Variants in BRICD5 observed in about 807,000 individuals in gnomAD.
BRICD5 encodes the protein BRICHOS domain-containing protein 5.
Under a neutral mutation model 28.4 loss-of-function variants are expected in BRICD5, and 51 were observed. The observed-to-expected ratio is 1.80, with a 90% confidence interval of 1.43 to 2.27. BRICD5 has a LOEUF of 2.27. BRICD5 is among the 30% of genes most tolerant of loss of function. The probability of loss-of-function intolerance (pLI) is 0.00; values close to 1 mark genes in which losing one functional copy is unlikely to be tolerated. For synonymous variants in BRICD5, 177 were observed against 130.2 expected (o/e 1.36, Z -2.44); for missense variants, 456 against 309.6 (o/e 1.47, Z -3.55).
In BRICD5 at chr16:2,210,808, T is replaced by C; in HGVS notation, c.26A>G (p.Glu9Gly). Residue 9 changes from glutamate to glycine, a missense_variant, in exon 1 of 6, where the codon GAG (glutamate) becomes GGG (glycine). Transcript: ENST00000328540. ...CCCTGTAGGCCCAGGTTTGGGGCGC[T>C]CAGCACAGCAGCTTGCTGGTTCCAT... MEPASCCA[E>G]RPKPGPTGVK... 1 of 1,604,640 alleles carries C rather than the reference T, an allele frequency of 6.2e-7. No homozygotes were observed. The highest frequency in any genetic ancestry group is 8.5e-7 in the Non-Finnish European group (1 of 1,179,924).
At chr16:2,210,687 T>TA (rs773253025) in intron 1 of BRICD5, 37 bp from the exon 2 acceptor site, 1 of 1,610,952 alleles carries the variant, frequency 6.2e-7, no homozygotes, top group Non-Finnish European at 8.5e-7. Flanking sequence ...TCATGAGGGT[T>TA]AGACATCAGG....
In BRICD5 at chr16:2,209,399, A is replaced by G. The variant is rs1238777256; in HGVS notation, c.650T>C (p.Ile217Thr). 4 of 1,613,788 alleles carry G rather than the reference A, an allele frequency of 2.5e-6. No individual in the cohort carries two copies. In the African/African-American group the frequency reaches 5.3e-5, roughly 22 times the overall value. ...LCIDICFPSN[I>T]CVSVCFYYLP... ...GTAATAAAAGCAGACCGACACGCAG[A>G]TGTTGCTCGGGAAGCAGATGTCGAT... The change falls in exon 6 of 6, where the codon ATC becomes ACC. Residue 217 changes from isoleucine (I) to threonine (T), a missense_variant. Coordinates refer to ENST00000328540, the MANE Select transcript of BRICD5 (RefSeq NM_182563.4).
Position 2,209,311 on chromosome 16 carries a change from C to G in BRICD5, c.*51G>C, listed in dbSNP as rs780707788. ...AGCTGTCCTCCCTGGTGCAGGTGGC[C>G]TGGCCAGCCCACTGGATTGGGGACG... On this transcript the variant is annotated 3_prime_UTR_variant, in exon 6 of 6. Transcript: ENST00000328540. 5 of 1,545,940 alleles carry G rather than the reference C, an allele frequency of 3.2e-6. No individual in the cohort carries two copies. The highest frequency in any genetic ancestry group is 4.4e-6 in the Non-Finnish European group (5 of 1,126,870).
rs762605322 is a variant in BRICD5 at position 2,210,531 on chromosome 16, G to C, written c.171C>G (p.Gly57=). The C allele has an allele frequency of 1.2e-6, 2 of 1,609,804 alleles. No individual in the cohort carries two copies. Among genetic ancestry groups the C allele is most frequent in the Non-Finnish European group, 1.7e-6 (2 of 1,178,174 alleles). The change falls in exon 2 of 6, where the codon GGC becomes GGG. Residue 57 remains glycine (G), a synonymous_variant. Transcript: ENST00000328540. ...CTGAGGAGGGGCTCACCTTGGGAGG[G>C]CCCTGAGCAGAGCCAAGAAGCCCTC... is the stretch of plus-strand genomic sequence containing the variant. ...VAGGLLGSAQ[G]PPKPRLQTLR...
rs756352417 is a variant in BRICD5 at position 2,210,862 on chromosome 16, T to C, written c.-29A>G. 18 of 1,599,706 alleles carry C rather than the reference T, an allele frequency of 1.1e-5. No homozygotes were observed. Among genetic ancestry groups the C allele is most frequent in the Non-Finnish European group, 1.5e-5 (18 of 1,179,754 alleles). ...GCAGCCCCTGCTCACAATGTGCCGA[T>C]TGTCTGCGTCCCTTGTCTGCAGCCT... On this transcript the variant is annotated 5_prime_UTR_variant, in exon 1 of 6. Coordinates refer to ENST00000328540, the MANE Select transcript of BRICD5 (RefSeq NM_182563.4).
In BRICD5 at chr16:2,209,457, C is replaced by G. The variant is rs749392194; in HGVS notation, c.593-1G>C. 7.4e-6 allele frequency: 12 copies of G among 1,613,484 alleles called. No individual in the cohort carries two copies. The highest frequency in any genetic ancestry group is 1.6e-4 in the Middle Eastern group (1 of 6,082). On this transcript the variant is annotated splice_acceptor_variant, in intron 5 of 5. Coordinates refer to ENST00000328540, the MANE Select transcript of BRICD5 (RefSeq NM_182563.4). LOFTEE classifies it high-confidence loss of function. The stretch of plus-strand genomic sequence containing the variant: ...TAAATCAGCCGCTGTCTCCGGGGCC[C>G]TGTGGCGAGGGTGCCGTGAATCTCC...
In BRICD5 at chr16:2,210,806, G is replaced by T; in HGVS notation, c.28C>A (p.Arg10Ser). The T allele has an allele frequency of 6.2e-7, 1 of 1,604,560 alleles. No homozygotes were observed. Among genetic ancestry groups the T allele is most frequent in the Non-Finnish European group, 8.5e-7 (1 of 1,179,936 alleles). The change falls in exon 1 of 6, where the codon CGC becomes AGC. Residue 10 changes from arginine (R) to serine (S), a missense_variant. Transcript: ENST00000328540. Reference sequence around the variant, plus strand: ...ACCCCTGTAGGCCCAGGTTTGGGGCGCTCAGCACAGCAGCTTGCTGGTTCC... The same window carrying T: ...ACCCCTGTAGGCCCAGGTTTGGGGCTCTCAGCACAGCAGCTTGCTGGTTCC... The part of the protein sequence containing the change: MEPASCCAE[R>S]PKPGPTGVKT...
intron 2 of BRICD5, 62 bp downstream of exon 2, chr16:2,210,460 A>G: frequency 6.5e-7 from 1 of 1,548,094 alleles, no homozygotes; most frequent in Non-Finnish European, 8.7e-7. Flanking sequence ...GGAGGCTGGG[A>G]TATGCCAGCT....
Position 2,209,302 on chromosome 16 carries a change from G to A in BRICD5, c.*60C>T, listed in dbSNP as rs1596733349. ...CCTGCCAGCAGCTGTCCTCCCTGGT[G>A]CAGGTGGCCTGGCCAGCCCACTGGA... On this transcript the variant is annotated 3_prime_UTR_variant, in exon 6 of 6. Transcript: ENST00000328540. 1 of 1,454,584 alleles carries A rather than the reference G, an allele frequency of 6.9e-7. No individual in the cohort carries two copies. Among genetic ancestry groups the A allele is most frequent in the Middle Eastern group, 1.8e-4 (1 of 5,568 alleles). The allele number at this position is 1,454,584 out of a possible 1,614,324, so 90.1% of individuals were successfully genotyped here.
Position 2,210,629 on chromosome 16 carries a change from C to G in BRICD5, c.73G>C (p.Gly25Arg), listed in dbSNP as rs771702798. The change falls in exon 2 of 6, where the codon GGG becomes CGG. Residue 25 changes from glycine to arginine, a missense_variant. Gly to Arg is a moderately radical substitution (Grantham distance 125, BLOSUM62 -2). Transcript: ENST00000328540. ...PTGVKTKPSCGGWRAVSLLLL... is the reference protein window; with the variant it reads ...PTGVKTKPSCRGWRAVSLLLL... ...AGCAGGCTCACGGCTCTCCAGCCCC[C>G]GCAGGAGGGCTTGGTCTTCACCTGG... 4 of 1,611,658 alleles carry G rather than the reference C, an allele frequency of 2.5e-6. No individual in the cohort carries two copies. The highest frequency in any genetic ancestry group is 1.7e-5 in the Admixed American group (1 of 59,764).
Position 2,210,829 on chromosome 16 carries a change from T to G in BRICD5, c.5A>C (p.Glu2Ala). The change falls in exon 1 of 6, where the codon GAA (glutamate) becomes GCA (alanine). Residue 2 changes from glutamate (E) to alanine (A), a missense_variant. Physicochemically the swap from Glu to Ala is moderately radical, Grantham distance 107 (BLOSUM62 -1). Coordinates refer to ENST00000328540, the MANE Select transcript of BRICD5 (RefSeq NM_182563.4). ...GCGCTCAGCACAGCAGCTTGCTGGTTCCATCCTGCAGCCCCTGCTCACAAT... is the reference window on the plus strand; with the variant it reads ...GCGCTCAGCACAGCAGCTTGCTGGTGCCATCCTGCAGCCCCTGCTCACAAT... M[E>A]PASCCAERPK... is the part of the protein sequence containing the mutation. 6.2e-7 allele frequency: 1 copy of G among 1,602,480 alleles called. No individual in the cohort carries two copies. Among genetic ancestry groups the G allele is most frequent in the East Asian group, 2.2e-5 (1 of 44,856 alleles).
rs893970413 is a variant in BRICD5 at position 2,210,418 on chromosome 16, T to C, written c.180+104A>G. On this transcript the variant is annotated intron_variant, in intron 2 of 5. Transcript: ENST00000328540. ...CCTCTGGCTGTCTGCTCCTAGGTGG[T>C]GTCACTGCCTGCTCCGCACCCTTGC... 5.2e-6 allele frequency: 8 copies of C among 1,533,486 alleles called. No homozygotes were observed. In the African/African-American group the frequency reaches 6.9e-5, roughly 13 times the overall value. The allele number at this position is 1,533,486 out of a possible 1,614,324, so 95.0% of individuals were successfully genotyped here.
rs200926767 is a variant in BRICD5, at chr16:2,210,103, G to A, written c.336+23C>T. On this transcript the variant is annotated intron_variant, in intron 3 of 5. Transcript: ENST00000328540. The stretch of plus-strand genomic sequence containing the variant: ...GCCCCCCAGACCGACACCTGCCAGG[G>A]TGACCCCTCCCTGCCCACTCACGCT... 35 of 1,604,970 alleles carry A rather than the reference G, an allele frequency of 2.2e-5. No individual in the cohort carries two copies. The Admixed American group carries it at 4.6e-4, about 21-fold the overall frequency.
intron 4 of BRICD5, 111 bp downstream of exon 4, chr16:2,209,839 G>A: frequency 1.4e-6 from 2 of 1,385,838 alleles, no homozygotes; most frequent in Non-Finnish European, 1.9e-6. Context: ...TTAGGGCGGA[G>A]AGAGCTTCCT....
intron 2 of BRICD5, 47 bp downstream of exon 2, chr16:2,210,475 T>C: frequency 6.4e-7 from 1 of 1,557,422 alleles, no homozygotes; most frequent in Non-Finnish European, 8.7e-7. Flanking sequence ...CCAGCTTCCC[T>C]TCTCCCTTTC....
rs1212814824 is a variant in BRICD5, at chr16:2,209,619, G to A, written c.526C>T (p.Gln176Ter). The change falls in exon 5 of 6, where the codon CAG (glutamine) becomes TAG (stop). Residue 176 changes from glutamine to a stop codon, truncating the protein, a stop_gained. Transcript: ENST00000328540. LOFTEE classifies it high-confidence loss of function. ...AGGCGCTGCACCAAAGCCCCCGCCT[G>A]GGCGGGGTCCACTTCGAGGCTCCCC... is the stretch of plus-strand genomic sequence containing the variant. Reference protein sequence around the residue: ...VQGSLEVDPAQAGALVQRLCM... With the variant: ...VQGSLEVDPA The A allele has an allele frequency of 1.2e-6, 2 of 1,613,102 alleles. No homozygotes were observed. The highest frequency in any genetic ancestry group is 1.1e-5 in the South Asian group (1 of 91,082).
chr16:2,210,270 C>A lies in BRICD5; in HGVS notation c.192G>T (p.Gln64His). ...GGCTCGGGAGGGTCATTCGCAGCGT[C>A]TGCAGCCTTGGCTGGCAGTGGGAGT... ...SAQGPPKPRL[Q>H]TLRMTLPSPH... The change falls in exon 3 of 6, where the codon CAG (glutamine) becomes CAT (histidine). Residue 64 changes from glutamine to histidine, a missense_variant. Gln to His is a conservative substitution (Grantham distance 24, BLOSUM62 0). Transcript: ENST00000328540. 1 of 1,532,920 alleles carries A rather than the reference C, an allele frequency of 6.5e-7. No homozygotes were observed. Among genetic ancestry groups the A allele is most frequent in the Non-Finnish European group, 8.8e-7 (1 of 1,138,908 alleles). The allele number at this position is 1,532,920 out of a possible 1,614,324, so 95.0% of individuals were successfully genotyped here.
In BRICD5 at chr16:2,210,763, G is replaced by T. The variant is rs781137540; in HGVS notation, c.51+20C>A. The T allele has an allele frequency of 6.2e-7, 1 of 1,607,830 alleles. No homozygotes were observed. The highest frequency in any genetic ancestry group is 1.7e-5 in the Admixed American group (1 of 60,008). ...GGCACCCCCTGGGTCCTTGCTGCAGGAGTAACGGGAGGCACTCACCCCTGT... is the reference window on the plus strand; with the variant it reads ...GGCACCCCCTGGGTCCTTGCTGCAGTAGTAACGGGAGGCACTCACCCCTGT... On this transcript the variant is annotated intron_variant, in intron 1 of 5. Coordinates refer to ENST00000328540, the MANE Select transcript of BRICD5 (RefSeq NM_182563.4).
At position 2,209,272 on chromosome 16, in the gene BRICD5, T is replaced by C; in HGVS notation, c.*90A>G. ...ACCATGGCCAGGTGGAAGGGTTTAT[T>C]AGTCCCTGCCAGCAGCTGTCCTCCC... On this transcript the variant is annotated 3_prime_UTR_variant, in exon 6 of 6. Coordinates refer to ENST00000328540, the MANE Select transcript of BRICD5 (RefSeq NM_182563.4). 1.6e-6 allele frequency: 2 copies of C among 1,220,042 alleles called. No individual in the cohort carries two copies. Among genetic ancestry groups the C allele is most frequent in the Non-Finnish European group, 1.2e-6 (1 of 849,890 alleles). The allele number at this position is 1,220,042 out of a possible 1,614,324, so 75.6% of individuals were successfully genotyped here.
Sources: allele counts gnomAD v4.1 joint callset, GRCh38; gene constraint gnomAD v4.1.1; transcripts MANE v1.5; gene names NCBI Gene and HGNC (gene_info 2026-07-23, HGNC 2026-07-21).